Variants in HS6ST2 observed in about 807,000 individuals in gnomAD.
HS6ST2 encodes heparan sulfate 6-O-sulfotransferase 2.
In HS6ST2, 17 loss-of-function variants were observed where a neutral mutation model predicts 33.0. The ratio of observed to expected loss-of-function variants is 0.52; its 90% CI spans 0.35 to 0.77. The LOEUF is 0.77. Ranked by LOEUF, HS6ST2 falls within the 30% of genes least tolerant of loss-of-function variation. The probability of loss-of-function intolerance (pLI) is 0.01; values close to 1 mark genes in which losing one functional copy is unlikely to be tolerated. For missense variants in HS6ST2, 519 were observed against 551.7 expected (o/e 0.94, Z 0.59); for synonymous variants, 248 against 237.1 (o/e 1.05, Z -0.42).
At chrX:132,778,155 C>A (rs969794349) in intron 2 of HS6ST2, among the ~76,000 whole-genome samples, 2 of 111,607 alleles carry the variant, frequency 1.8e-5, no homozygotes, top group Non-Finnish European at 3.8e-5. Flanking sequence ...ATCACAGATA[C>A]GACTATGCAT....
At chrX:132,677,494 A>C (rs923660136) in intron 3 of HS6ST2, among the ~76,000 whole-genome samples, 3 of 112,435 alleles carry the variant, frequency 2.7e-5, no homozygotes, top group African/African-American at 9.7e-5. Flanking sequence ...CACTTGCCAT[A>C]TACAAGGTTT....
chrX:132,700,459 G>A (rs1201812258), intron 3 of HS6ST2, among the ~76,000 whole-genome samples: 1 of 109,909 alleles, frequency 9.1e-6, no homozygotes, highest in African/African-American at 3.3e-5. Flanking sequence ...TTTCAGTTCC[G>A]AAAGAGGAAC....
chrX:132,689,094 G>C (rs1187373400), intron 3 of HS6ST2, among the ~76,000 whole-genome samples: 1 of 111,636 alleles, frequency 9.0e-6, no homozygotes, highest in African/African-American at 3.3e-5. Context: ...CATACCTCCT[G>C]GTCATCTGTC....
At chrX:132,774,443 A>G (rs185228140) in intron 2 of HS6ST2, among the ~76,000 whole-genome samples, 1 of 112,334 alleles carries the variant, frequency 8.9e-6, no homozygotes, top group Non-Finnish European at 1.9e-5. Flanking sequence ...CAAAACTGCT[A>G]TGAAGCTAAA....
At chrX:132,905,448 A>C (rs779828554) in intron 2 of HS6ST2, among the ~76,000 whole-genome samples, 3 of 112,247 alleles carry the variant, frequency 2.7e-5, no homozygotes, top group Non-Finnish European at 5.6e-5. Context: ...TTTTCCACAC[A>C]TGGCTGTCAA....
chrX:132,915,951 T>A (rs1341686356), intron 2 of HS6ST2, among the ~76,000 whole-genome samples: 1 of 109,339 alleles, frequency 9.1e-6, no homozygotes, highest in Non-Finnish European at 1.9e-5. Context: ...GTCAGGCTGG[T>A]CTCGAACTCC....
intron 2 of HS6ST2, among the ~76,000 whole-genome samples, chrX:132,771,672 G>A (rs2064902048): frequency 8.9e-6 from 1 of 111,788 alleles, no homozygotes; most frequent in Non-Finnish European, 1.9e-5. Flanking sequence ...TAAGTTGGTT[G>A]CTTGAGCTTG....
chrX:132,787,069 G>T (rs1289046650), intron 2 of HS6ST2, among the ~76,000 whole-genome samples: 1 of 100,916 alleles, frequency 9.9e-6, no homozygotes, highest in African/African-American at 3.6e-5. Flanking sequence ...TGGGTCAAAG[G>T]TCCCTAATAT....
rs1270471382 is a variant in HS6ST2, at chrX:132,744,376, G to A, written c.948-35882C>T. On this transcript the variant is annotated intron_variant, in intron 2 of 4. Coordinates refer to ENST00000370833, the MANE Select transcript of HS6ST2 (RefSeq NM_001394073.1). The stretch of plus-strand genomic sequence containing the variant: ...GAAACTTGGAGGTAATAAGCTACAC[G>A]GCCCCTGAGATCTGAAGGACTACAG... 6.3e-5 allele frequency among the ~76,000 whole-genome samples: 7 copies of A among 111,298 alleles called. 1 individual carries two copies. Among genetic ancestry groups the A allele is most frequent in the Admixed American group, 5.7e-4 (6 of 10,465 alleles).
chrX:132,939,991 A>C (rs1438786910), intron 2 of HS6ST2, among the ~76,000 whole-genome samples: 1 of 112,146 alleles, frequency 8.9e-6, no homozygotes, highest in Non-Finnish European at 1.9e-5. Flanking sequence ...GAATAGCCAA[A>C]ACAATCTAGA....
chrX:132,848,573 G>T (rs866001117), intron 2 of HS6ST2, among the ~76,000 whole-genome samples: 4 of 111,707 alleles, frequency 3.6e-5, no homozygotes, highest in African/African-American at 1.3e-4. Flanking sequence ...ATAGATGAGC[G>T]CCATGGACTC....
At chrX:132,644,176 A>G (rs755366376) in intron 4 of HS6ST2, among the ~76,000 whole-genome samples, 8 of 103,742 alleles carry the variant, frequency 7.7e-5, no homozygotes, top group Non-Finnish European at 1.2e-4. Context: ...AGCGAGGGAG[A>G]GAGAAAGGAC....
intron 2 of HS6ST2, among the ~76,000 whole-genome samples, chrX:132,931,113 T>C (rs2066763790): frequency 1.8e-5 from 2 of 111,742 alleles, no homozygotes; most frequent in Non-Finnish European, 3.8e-5. Flanking sequence ...TAAGGAAAGA[T>C]TTATTCAAGG....
chrX:132,770,727 C>A (rs2064889628), intron 2 of HS6ST2, among the ~76,000 whole-genome samples: 1 of 111,128 alleles, frequency 9.0e-6, no homozygotes, highest in Non-Finnish European at 1.9e-5. Flanking sequence ...TTTGGAACTT[C>A]CTTCAACTTC....
At chrX:132,676,647 A>C (rs1467955923) in intron 3 of HS6ST2, among the ~76,000 whole-genome samples, 1 of 111,706 alleles carries the variant, frequency 9.0e-6, no homozygotes, top group Non-Finnish European at 1.9e-5. Flanking sequence ...TATTTTTTAA[A>C]TGCAGGTGGC....
At chrX:132,773,432 T>C (rs1249557597) in intron 2 of HS6ST2, among the ~76,000 whole-genome samples, 1 of 109,258 alleles carries the variant, frequency 9.2e-6, no homozygotes, top group Non-Finnish European at 1.9e-5. Flanking sequence ...CTCAAAAAGT[T>C]AAATTTGAAA....
intron 4 of HS6ST2, among the ~76,000 whole-genome samples, chrX:132,652,211 A>G (rs964536562): frequency 9.0e-6 from 1 of 111,366 alleles, no homozygotes; most frequent in African/African-American, 3.3e-5. Context: ...CTCCAGCTCT[A>G]ATGATTCAAT....
chrX:132,855,408 A>C (rs1456425292), intron 2 of HS6ST2, among the ~76,000 whole-genome samples: 1 of 112,518 alleles, frequency 8.9e-6, no homozygotes, highest in Non-Finnish European at 1.9e-5. Context: ...ACCAGATTTT[A>C]AGTTTCATGA....
chrX:132,684,216 T>C (rs1053264379), intron 3 of HS6ST2, among the ~76,000 whole-genome samples: 3 of 101,803 alleles, frequency 2.9e-5, no homozygotes, highest in African/African-American at 1.1e-4. Flanking sequence ...GACAGTGTCA[T>C]ATATATACAT....
Sources: gnomAD v4.1 joint callset for allele counts (sites outside exome capture counted in the v4.1 genomes callset) on GRCh38, gnomAD v4.1.1 for gene constraint, MANE v1.5 for transcripts, NCBI Gene and HGNC (gene_info 2026-07-23, HGNC 2026-07-21) for gene names.